Variants in PTPRD observed in about 807,000 individuals in gnomAD.
The protein encoded by PTPRD is receptor-type tyrosine-protein phosphatase delta.
A neutral mutation model predicts 214.5 loss-of-function variants in PTPRD; 34 were observed. The observed-to-expected ratio is 0.16, with a 90% CI of 0.12 to 0.21. The LOEUF (loss-of-function observed/expected upper bound fraction) is 0.21, where lower values mean the gene tolerates loss of function less well. Among genes scored for constraint, PTPRD ranks in the 10% least tolerant of loss-of-function variants. The pLI is 1.00. For missense variants in PTPRD, 2,545 were observed against 2,398.7 expected (o/e 1.06, Z -1.27); for synonymous variants, 1,128 against 845.7 (o/e 1.33, Z -5.79).
At chr9:8,481,619 C>A (rs565098004) in intron 30 of PTPRD, among the ~76,000 whole-genome samples, 1 of 152,178 alleles carries the variant, frequency 6.6e-6, no homozygotes, top group East Asian at 1.9e-4. Context: ...TTCTAATAAT[C>A]CCTCTCTGTG....
intron 3 of PTPRD, among the ~76,000 whole-genome samples, chr9:10,068,826 T>G (rs922815999): frequency 6.6e-6 from 1 of 151,954 alleles, no homozygotes; most frequent in Non-Finnish European, 1.5e-5. Flanking sequence ...TTCACTCTGT[T>G]TAGTACACAT....
intron 10 of PTPRD, among the ~76,000 whole-genome samples, chr9:9,094,889 C>A (rs2099781279): frequency 6.6e-6 from 1 of 152,092 alleles, no homozygotes; most frequent in Non-Finnish European, 1.5e-5. Flanking sequence ...AATCTTTAAA[C>A]CAGTGTCCTT....
intron 6 of PTPRD, among the ~76,000 whole-genome samples, chr9:9,763,475 A>T (rs1555000181): frequency 6.6e-6 from 1 of 152,164 alleles, no homozygotes; most frequent in Non-Finnish European, 1.5e-5. Context: ...TTCTTTAAAA[A>T]ATCTTCAAAA....
intron 3 of PTPRD, among the ~76,000 whole-genome samples, chr9:10,210,912 A>C (rs2154341443): frequency 6.7e-6 from 1 of 149,048 alleles, no homozygotes; most frequent in South Asian, 2.1e-4. Flanking sequence ...TTCAGAGCTG[A>C]TGCTAAACAA....
At chr9:8,760,708 T>A (rs1390340222) in intron 11 of PTPRD, among the ~76,000 whole-genome samples, 1 of 152,054 alleles carries the variant, frequency 6.6e-6, no homozygotes, top group African/African-American at 2.4e-5. Flanking sequence ...TTAATGGGAA[T>A]GTATATCTCC....
At chr9:8,327,286 A>C (rs551626058) in intron 44 of PTPRD, among the ~76,000 whole-genome samples, 1,841 of 150,866 alleles carry the variant, frequency 0.012, 1 homozygote, top group African/African-American at 0.043. Context: ...TCTGTTATTT[A>C]CCCAGTAGTC....
chr9:8,675,887 A>G (rs1032032078), intron 12 of PTPRD, among the ~76,000 whole-genome samples: 4 of 152,166 alleles, frequency 2.6e-5, no homozygotes, highest in East Asian at 1.9e-4. Context: ...TATGTTTTCT[A>G]AAGAACATAT....
At chr9:10,375,307 G>T (rs572066313) in intron 2 of PTPRD, among the ~76,000 whole-genome samples, 1 of 151,858 alleles carries the variant, frequency 6.6e-6, no homozygotes, top group African/African-American at 2.4e-5. Flanking sequence ...TGCAGAACTG[G>T]ATCTATTTTA....
In PTPRD at chr9:8,995,261, CATT is replaced by C. The variant is rs146599160; in HGVS notation, c.-104+23433_-104+23435del. Among the ~76,000 whole-genome samples, 854 of 152,026 alleles carry C rather than the reference CATT, an allele frequency of 5.6e-3. 10 individuals carry two copies. Among genetic ancestry groups the C allele is most frequent in the African/African-American group, 0.02 (826 of 41,478 alleles). On this transcript the variant is annotated intron_variant, in intron 11 of 45. Transcript: ENST00000381196. ...ATTACTTTATTGGTTGTGATAATGGCATTATGCTATGTTTAAAAATCCTTATCT... is the reference window on the plus strand; with the variant it reads ...ATTACTTTATTGGTTGTGATAATGGCATGCTATGTTTAAAAATCCTTATCT...
intron 36 of PTPRD, among the ~76,000 whole-genome samples, chr9:8,399,549 G>A (rs375871315): frequency 2.0e-5 from 3 of 150,122 alleles, no homozygotes; most frequent in Admixed American, 6.6e-5. Context: ...ACCTTAAAAC[G>A]TGAGATTAAA....
intron 10 of PTPRD, among the ~76,000 whole-genome samples, chr9:9,165,919 T>G (rs1210137703): frequency 6.6e-6 from 1 of 152,150 alleles, no homozygotes; most frequent in African/African-American, 2.4e-5. Flanking sequence ...CAACCAACTA[T>G]AATCACAAAC....
intron 45 of PTPRD, among the ~76,000 whole-genome samples, chr9:8,318,856 G>T (rs538403003): frequency 8.5e-5 from 13 of 152,134 alleles, no homozygotes; most frequent in African/African-American, 3.1e-4. Context: ...ATGAGGAAAA[G>T]GATTTTCCCC....
chr9:9,405,536 A>C (rs938642035), intron 8 of PTPRD, among the ~76,000 whole-genome samples: 2 of 152,086 alleles, frequency 1.3e-5, no homozygotes, highest in Admixed American at 1.3e-4. Flanking sequence ...GGCATGCTTT[A>C]TAACATTAGC....
chr9:8,731,734 G>C (rs2098661207), intron 12 of PTPRD, among the ~76,000 whole-genome samples: 1 of 152,130 alleles, frequency 6.6e-6, no homozygotes, highest in Non-Finnish European at 1.5e-5. Context: ...CTTTTAAAAT[G>C]TACCTTAAAA....
Position 9,126,248 on chromosome 9 carries a change from G to A in PTPRD, c.-143+57056C>T, listed in dbSNP as rs76998410. On this transcript the variant is annotated intron_variant, in intron 10 of 45. Transcript: ENST00000381196. ...ATGCAGAAAATACACTGAAGCTAAC[G>A]ACAGAGGAATTAGGGGCAGGATTCA... 2.3e-3 allele frequency among the ~76,000 whole-genome samples: 357 copies of A among 152,266 alleles called. 1 individual carries two copies. Among genetic ancestry groups the A allele is most frequent in the African/African-American group, 6.6e-3 (274 of 41,558 alleles).
intron 3 of PTPRD, among the ~76,000 whole-genome samples, chr9:10,248,282 T>C (rs1309688793): frequency 1.3e-5 from 2 of 152,020 alleles, no homozygotes; most frequent in African/African-American, 2.4e-5. Flanking sequence ...CCTAAGAAAT[T>C]TGTAAACAAT....
chr9:9,680,508 A>T (rs1394835856), intron 7 of PTPRD, among the ~76,000 whole-genome samples: 1 of 151,856 alleles, frequency 6.6e-6, no homozygotes, highest in Non-Finnish European at 1.5e-5. Context: ...ATTAATGAGA[A>T]ATAGTTTTAT....
At chr9:8,849,171 A>ATTTTT (rs746565485) in intron 11 of PTPRD, among the ~76,000 whole-genome samples, 53 of 108,750 alleles carry the variant, frequency 4.9e-4, no homozygotes, top group East Asian at 2.4e-3. Context: ...TCAAAAAAAA[A>ATTTTT]TTTTTTTTTT....
chr9:8,914,127 G>C (rs2098767920), intron 11 of PTPRD, among the ~76,000 whole-genome samples: 1 of 152,030 alleles, frequency 6.6e-6, no homozygotes, highest in Non-Finnish European at 1.5e-5. Context: ...CATGTCTAGG[G>C]ATTTGACCTC....
Sources: gnomAD v4.1 joint callset for allele counts (sites outside exome capture counted in the v4.1 genomes callset) on GRCh38, gnomAD v4.1.1 for gene constraint, MANE v1.5 for transcripts, NCBI Gene and HGNC (gene_info 2026-07-23, HGNC 2026-07-21) for gene names.